The following NPC1L1 variants were observed in gnomAD, a reference collection of about 807,000 sequenced individuals.
NPC1L1 encodes the protein NPC1 like intracellular cholesterol transporter 1.
A neutral mutation model predicts 117.0 loss-of-function variants in NPC1L1; 98 were observed. That is an observed-to-expected ratio of 0.84 (90% CI 0.71 to 0.99). The LOEUF is 0.99. Among genes scored for constraint, NPC1L1 ranks in the 50% least tolerant of loss-of-function variants. NPC1L1 has a pLI of 0.00. For synonymous variants in NPC1L1, 729 were observed against 727.6 expected, an observed-to-expected ratio of 1.00 and a Z score of -0.03; for missense variants, 1,540 against 1,710.0, an observed-to-expected ratio of 0.90 and a Z score of 1.75.
At chr7:44,524,057 A>T (rs903212698) in intron 10 of NPC1L1, among the ~76,000 whole-genome samples, 1 of 152,172 alleles carries the variant, frequency 6.6e-6, no homozygotes, top group Admixed American at 6.5e-5. Flanking sequence ...CCTATCCCCG[A>T]CACCTTCATT....
rs1184075391 is a variant in NPC1L1, at chr7:44,517,090, C to T, written c.3287+117G>A. ...ATAGGCCCAAGGCTGCAGCCAGAGC[C>T]TCCTGACCTAAAACTGGTCCTCATC... is the stretch of plus-strand genomic sequence containing the variant. On this transcript the variant is annotated intron_variant, in intron 15 of 18. Coordinates refer to ENST00000381160, the MANE Select transcript of NPC1L1 (RefSeq NM_001101648.2). 9 of 1,490,262 alleles carry T rather than the reference C, an allele frequency of 6.0e-6. No individual in the cohort carries two copies. The East Asian group carries it at 1.4e-4, about 22-fold the overall frequency. 92.3% of individuals were successfully genotyped at this position (1,490,262 alleles called of 1,614,324 possible). A position where few individuals can be genotyped will look rare whatever the true frequency, so the allele number is the denominator to read the frequency against.
chr7:44,532,036 C>T (rs377176856), intron 9 of NPC1L1, 44 bp downstream of exon 9: 52 of 1,613,880 alleles, frequency 3.2e-5, no homozygotes, highest in Non-Finnish European at 4.3e-5. Context: ...AGGCGAGGTC[C>T]CCACCTAGTG....
Position 44,536,499 on chromosome 7 carries a change from A to T in NPC1L1, c.1682-71T>A. 6.6e-7 allele frequency: 1 copy of T among 1,511,236 alleles called. No individual in the cohort carries two copies. Among genetic ancestry groups the T allele is most frequent in the Admixed American group, 1.7e-5 (1 of 58,284 alleles). 93.6% of individuals were successfully genotyped at this position (1,511,236 alleles called of 1,614,324 possible). ...CCTCCCCCTCCAGCTGCACCCCTAT[A>T]TTCCCTCCCCCTATCTAGCTGCACC... On this transcript the variant is annotated intron_variant, in intron 3 of 18. Coordinates refer to ENST00000381160, the MANE Select transcript of NPC1L1 (RefSeq NM_001101648.2). This position sits in a 1 kb window ranked among gnomAD's most constrained non-coding sequence, Gnocchi z 4.7.
Position 44,536,450 on chromosome 7 carries a change from C to A in NPC1L1, c.1682-22G>T, listed in dbSNP as rs1340261576. On this transcript the variant is annotated intron_variant, in intron 3 of 18. Coordinates refer to ENST00000381160, the MANE Select transcript of NPC1L1 (RefSeq NM_001101648.2). The surrounding 1 kb of genome is among the most constrained non-coding windows in gnomAD (Gnocchi z 4.7). ...TTTCCTGGGATAAGAAATACTCAGA[C>A]CCTTCCTGCTGCACCCGTGCCTCCC... 2 of 1,606,678 alleles carry A rather than the reference C, an allele frequency of 1.2e-6. No individual in the cohort carries two copies. Among genetic ancestry groups the A allele is most frequent in the Non-Finnish European group, 1.7e-6 (2 of 1,179,920 alleles).
chr7:44,518,985 T>TTCTCTTTCTC (rs1188350725), intron 14 of NPC1L1, among the ~76,000 whole-genome samples: 3 of 151,676 alleles, frequency 2.0e-5, no homozygotes, highest in Admixed American at 2.0e-4. Flanking sequence ...CTTTCTTTCT[T>TTCTCTTTCTC]TCTCTTTCTC....
rs371168476 is a variant in NPC1L1, at chr7:44,520,776, C to G, written c.3125G>C (p.Gly1042Ala). ...AAGGCCATGCTTACCTAAAACCTGGCCATCTGAAGTCAAGTTCACAGAGGT... is the reference window on the plus strand; with the variant it reads ...AAGGCCATGCTTACCTAAAACCTGGGCATCTGAAGTCAAGTTCACAGAGGT... The part of the protein sequence containing the change: ...YSTSVNLTSD[G>A]QVLASRFMAY... The change falls in exon 14 of 19, where the codon GGC (glycine) becomes GCC (alanine). Residue 1042 changes from glycine (G) to alanine (A), a missense_variant. Physicochemically the swap from Gly to Ala is moderately conservative, Grantham distance 60 (BLOSUM62 0). Coordinates refer to ENST00000381160, the MANE Select transcript of NPC1L1 (RefSeq NM_001101648.2). 6.2e-7 allele frequency: 1 copy of G among 1,614,072 alleles called. No individual in the cohort carries two copies. The highest frequency in any genetic ancestry group is 1.7e-5 in the Admixed American group (1 of 60,016).
In NPC1L1 at chr7:44,532,812, G is replaced by C. The variant is rs947579887; in HGVS notation, c.2410-595C>G. ...AGGCTAGTAGGAATTAAGTTTAGAA[G>C]GGTCAAATGTTACATGCAGACCAGG... On this transcript the variant is annotated intron_variant, in intron 8 of 18. Transcript: ENST00000381160. Among the ~76,000 whole-genome samples, 3 of 152,346 alleles carry C rather than the reference G, an allele frequency of 2.0e-5. No homozygotes were observed. In the South Asian group the frequency reaches 6.2e-4, roughly 32 times the overall value.
rs774919963 is a variant in NPC1L1 at position 44,540,304 on chromosome 7, G to A, written c.93C>T (p.Gly31=). 1 of 1,613,778 alleles carries A rather than the reference G, an allele frequency of 6.2e-7. No individual in the cohort carries two copies. The highest frequency in any genetic ancestry group is 1.7e-5 in the Admixed American group (1 of 60,022). ...SEPYTTIHQP[G]YCAFYDECGK... is the part of the protein sequence containing the mutation. ...CACATTCGTCATAGAAGGCGCAGTA[G>A]CCAGGCTGGTGGATGGTTGTGTAAG... is the stretch of plus-strand genomic sequence containing the variant. Residue 31 remains glycine, a synonymous_variant, in exon 2 of 19, where the codon GGC becomes GGT. Coordinates refer to ENST00000381160, the MANE Select transcript of NPC1L1 (RefSeq NM_001101648.2).
At position 44,539,975 on chromosome 7, in the gene NPC1L1, C is replaced by G. The variant is rs139110095; in HGVS notation, c.422G>C (p.Arg141Pro). The change falls in exon 2 of 19, where the codon CGC becomes CCC. Residue 141 changes from arginine (R) to proline (P), a missense_variant. Coordinates refer to ENST00000381160, the MANE Select transcript of NPC1L1 (RefSeq NM_001101648.2). The surrounding 1 kb of genome is among the most constrained non-coding windows in gnomAD (Gnocchi z 4.4). ...TTGTCCAGCCCCTAGCTGGGCCACG[C>G]GGGTCACATTGATGAAGAGGCTCTG... ...PNQSLFINVT[R>P]VAQLGAGQLP... The G allele has an allele frequency of 1.2e-6, 2 of 1,614,196 alleles. No individual in the cohort carries two copies. Among genetic ancestry groups the G allele is most frequent in the South Asian group, 1.1e-5 (1 of 91,084 alleles).
Position 44,512,637 on chromosome 7 carries a change from G to T in NPC1L1, c.*810C>A, listed in dbSNP as rs139865067. ...CTTCTGGAGAGCTGTCCAAAAGCTC[G>T]GGTTGGGCTGGTTTGAGGCCTGGGA... On this transcript the variant is annotated 3_prime_UTR_variant, in exon 19 of 19. Transcript: ENST00000381160. 6.6e-6 allele frequency: 1 copy of T among 152,476 alleles called. No homozygotes were observed. Among genetic ancestry groups the T allele is most frequent in the Non-Finnish European group, 1.5e-5 (1 of 68,264 alleles). The allele number at this position is 152,476 out of a possible 1,614,324, so 9.4% of individuals were successfully genotyped here.
At chr7:44,523,669 G>A (rs551176315) in intron 10 of NPC1L1, among the ~76,000 whole-genome samples, 119 of 152,172 alleles carry the variant, frequency 7.8e-4, no homozygotes, top group Middle Eastern at 3.4e-3. Flanking sequence ...GTGGGAGACC[G>A]ATCTGGGCAC....
At position 44,513,426 on chromosome 7, in the gene NPC1L1, T is replaced by C. The variant is rs1259509569; in HGVS notation, c.*21A>G. On this transcript the variant is annotated 3_prime_UTR_variant, in exon 19 of 19. Coordinates refer to ENST00000381160, the MANE Select transcript of NPC1L1 (RefSeq NM_001101648.2). ...CCCTTTGGTTCAGGGCCATAGAGCCTAGACAGGGCCTCTGGCTGTATCAGA... is the reference window on the plus strand; with the variant it reads ...CCCTTTGGTTCAGGGCCATAGAGCCCAGACAGGGCCTCTGGCTGTATCAGA... The C allele has an allele frequency of 1.2e-6, 2 of 1,612,660 alleles. No homozygotes were observed. Among genetic ancestry groups the C allele is most frequent in the Non-Finnish European group, 1.7e-6 (2 of 1,178,750 alleles).
chr7:44,522,178 T>C lies in NPC1L1; in HGVS notation c.2702A>G (p.Tyr901Cys). ...GTTGTAGCCCAAGGTGGTAACAAAG[T>C]ACACCGGGGCCCCCACCTCGAAGTA... is the stretch of plus-strand genomic sequence containing the variant. ...NRYFEVGAPV[Y>C]FVTTLGYNFS... is the part of the protein sequence containing the mutation. Residue 901 changes from tyrosine (Y) to cysteine (C), a missense_variant, in exon 11 of 19, where the codon TAC becomes TGC. By Grantham distance (194) the Tyr-to-Cys change is radical. Transcript: ENST00000381160. 6.2e-7 allele frequency: 1 copy of C among 1,613,614 alleles called. No individual in the cohort carries two copies. The highest frequency in any genetic ancestry group is 8.5e-7 in the Non-Finnish European group (1 of 1,179,886).
intron 13 of NPC1L1, 36 bp from the exon 14 acceptor site, chr7:44,520,856 C>CGAA (rs1563202692): frequency 6.2e-7 from 1 of 1,613,678 alleles, no homozygotes; most frequent in Admixed American, 1.7e-5. Flanking sequence ...TAGCCAGGGA[C>CGAA]GAAGCTTCTT....
chr7:44,516,280 G>A (rs942602455), intron 16 of NPC1L1, 83 bp from the exon 17 acceptor site: 17 of 1,157,552 alleles, frequency 1.5e-5, no homozygotes, highest in African/African-American at 4.6e-5. Context: ...CAGGACCAGC[G>A]TGGGGCAGGC....
intron 8 of NPC1L1, among the ~76,000 whole-genome samples, chr7:44,532,746 A>T (rs1801743898): frequency 6.6e-6 from 1 of 152,246 alleles, no homozygotes; most frequent in African/African-American, 2.4e-5. Flanking sequence ...AAGATGTGTT[A>T]TCGACTATTT....
chr7:44,517,383 T>G, intron 14 of NPC1L1, 26 bp from the exon 15 acceptor site: 1 of 1,606,848 alleles, frequency 6.2e-7, no homozygotes, highest in Non-Finnish European at 8.5e-7. Flanking sequence ...ACACAGAAGA[T>G]GGAAGGGCAA....
In NPC1L1 at chr7:44,540,193, A is replaced by C. The variant is rs1585155210; in HGVS notation, c.204T>G (p.Gly68=). The C allele has an allele frequency of 1.2e-6, 2 of 1,613,946 alleles. No individual in the cohort carries two copies. Among genetic ancestry groups the C allele is most frequent in the Non-Finnish European group, 1.7e-6 (2 of 1,179,992 alleles). The change falls in exon 2 of 19, where the codon GGT becomes GGG. Residue 68 remains glycine (G), a synonymous_variant. Coordinates refer to ENST00000381160, the MANE Select transcript of NPC1L1 (RefSeq NM_001101648.2). The part of the protein sequence containing the change: ...LSNTPARKIT[G]DHLILLQKIC... The stretch of plus-strand genomic sequence containing the variant: ...TCTTCTGTAATAGGATCAGGTGATC[A>C]CCTGTGATCTTGCGGGCCGGCGTGT...
chr7:44,522,368 T>C, intron 10 of NPC1L1, 126 bp from the exon 11 acceptor site: 1 of 894,066 alleles, frequency 1.1e-6, no homozygotes, highest in Non-Finnish European at 1.8e-6. Context: ...CAGAGGTCCA[T>C]GATCAGAGGA....
Sources: allele counts gnomAD v4.1 joint callset (sites outside exome capture counted in the v4.1 genomes callset), GRCh38; gene constraint gnomAD v4.1.1; non-coding constraint Gnocchi (gnomAD v3.1); transcripts MANE v1.5; gene names NCBI Gene and HGNC (gene_info 2026-07-23, HGNC 2026-07-21).